UBE3B: variants seen among roughly 807,000 people sequenced by gnomAD.
The protein encoded by UBE3B is ubiquitin-protein ligase E3B.
Under a neutral mutation model 132.3 loss-of-function variants are expected in UBE3B, and 80 were observed. That is an observed-to-expected ratio of 0.60 (90% CI 0.50 to 0.73). The LOEUF is 0.73. UBE3B is among the 30% of genes least tolerant of loss of function. The pLI, the probability that UBE3B is intolerant of heterozygous loss-of-function variation, is 0.00. For missense variants in UBE3B, 1,196 were observed against 1,362.5 expected (o/e 0.88, Z 1.92); for synonymous variants, 487 against 520.4 (o/e 0.94, Z 0.87).
At position 109,483,593 on chromosome 12, in the gene UBE3B, T is replaced by C. The variant is rs1197069615; in HGVS notation, c.42T>C (p.Asp14=). The change falls in exon 3 of 28, where the codon GAT becomes GAC. Residue 14 remains aspartate (D), a synonymous_variant. Transcript: ENST00000342494. Reference sequence around the variant, plus strand: ...AGACCTCGAGAGCATGGTTCATCGATAGAGCCCGTCAGGCACGAGAAGAAA... The same window carrying C: ...AGACCTCGAGAGCATGGTTCATCGACAGAGCCCGTCAGGCACGAGAAGAAA... The part of the protein sequence containing the change: ...LSQTSRAWFI[D]RARQAREERL... 3.7e-6 allele frequency: 6 copies of C among 1,609,628 alleles called. No individual in the cohort carries two copies.
At chr12:109,523,896 T>C in intron 21 of UBE3B, 82 bp from the exon 22 acceptor site, 3 of 1,583,114 alleles carry the variant, frequency 1.9e-6, no homozygotes, top group East Asian at 2.2e-5. Context: ...CCCTGGGCCA[T>C]GTCTGCACCC....
intron 17 of UBE3B, among the ~76,000 whole-genome samples, chr12:109,510,756 G>T (rs1327432809): frequency 6.6e-6 from 1 of 152,226 alleles, no homozygotes; most frequent in Non-Finnish European, 1.5e-5. Context: ...GAGCAACAGA[G>T]CATGAGAGTT....
chr12:109,508,395 C>A (rs1055272209), intron 15 of UBE3B: 2 of 438,200 alleles, frequency 4.6e-6, no homozygotes, highest in Non-Finnish European at 3.0e-6. Context: ...GTGAAAAAAA[C>A]AGCGTCAAAT....
chr12:109,544,066 G>C, the UBE3B span, among the ~76,000 whole-genome samples: 1 of 152,148 alleles, frequency 6.6e-6, no homozygotes, highest in Non-Finnish European at 1.5e-5. Context: ...GGAAGCAGCT[G>C]CCCACAGCTC....
At position 109,499,636 on chromosome 12, in the gene UBE3B, A is replaced by G. The variant is rs778080265; in HGVS notation, c.944A>G (p.Asn315Ser). The G allele has an allele frequency of 1.2e-5, 19 of 1,591,732 alleles. No individual in the cohort carries two copies. The highest frequency in any genetic ancestry group is 1.6e-5 in the Non-Finnish European group (19 of 1,168,262). Residue 315 changes from asparagine (N) to serine (S), a missense_variant, in exon 12 of 28, where the codon AAC becomes AGC. By Grantham distance (46) the Asn-to-Ser change is conservative (BLOSUM62 1). Transcript: ENST00000342494. ...ACTCAGCCTTCTCTCTCTGTAGGCA[A>G]CCTCCTACACTTGGGCTCCCTCAGC... ...EGCHTLCLMG[N>S]LLHLGSLSPR...
intron 24 of UBE3B, 117 bp downstream of exon 24, chr12:109,526,533 C>A: frequency 9.0e-7 from 1 of 1,107,300 alleles, no homozygotes; most frequent in Non-Finnish European, 1.3e-6. Context: ...CCATAAATAT[C>A]ATAATGGAAT....
intron 15 of UBE3B, among the ~76,000 whole-genome samples, chr12:109,507,991 T>G (rs965408280): frequency 2.6e-5 from 4 of 152,030 alleles, no homozygotes; most frequent in Non-Finnish European, 5.9e-5. Flanking sequence ...TGGCTTGGGG[T>G]CTCCTGGAGA....
At chr12:109,492,758 A>C (rs2135859368) in intron 9 of UBE3B, 1 of 152,220 alleles carries the variant, frequency 6.6e-6, no homozygotes, top group East Asian at 1.9e-4. Context: ...AAAAAAGTCA[A>C]AATAAAAGGG....
At position 109,516,785 on chromosome 12, in the gene UBE3B, C is replaced by G; in HGVS notation, c.1977C>G (p.Thr659=). The change falls in exon 19 of 28, where the codon ACC becomes ACG. Residue 659 remains threonine (T), a synonymous_variant. Transcript: ENST00000342494. ...PHKNRVLLFR[T]MVTKEKEKLG... is the part of the protein sequence containing the mutation. ...TTTAGAGAGTTCTACTGTTTCGAACCATGGTTACCAAGGAGAAGGAGAAAC... is the reference window on the plus strand; with the variant it reads ...TTTAGAGAGTTCTACTGTTTCGAACGATGGTTACCAAGGAGAAGGAGAAAC... 6.2e-7 allele frequency: 1 copy of G among 1,614,006 alleles called. No homozygotes were observed.
intron 4 of UBE3B, among the ~76,000 whole-genome samples, chr12:109,485,707 A>C (rs1226190728): frequency 1.3e-5 from 2 of 152,202 alleles, no homozygotes; most frequent in Non-Finnish European, 2.9e-5. Context: ...CAGGAATCCA[A>C]ATCCAGTTTG....
At chr12:109,504,719 G>A (rs904209253) in intron 14 of UBE3B, among the ~76,000 whole-genome samples, 1 of 152,150 alleles carries the variant, frequency 6.6e-6, no homozygotes, top group Admixed American at 6.5e-5. Context: ...GAGAGAAGGG[G>A]CAAGACCATA....
chr12:109,501,493 A>T lies in UBE3B; in HGVS notation c.1241A>T (p.His414Leu), dbSNP rs766836888. Residue 414 changes from histidine (H) to leucine (L), a missense_variant, in exon 13 of 28, where the codon CAC (histidine) becomes CTC (leucine). Transcript: ENST00000342494. Reference sequence around the variant, plus strand: ...CTACTGGAGAGCCAGGAGCCAGCCCACGCACAGCCAGCATCCCCTCAGAAT... The same window carrying T: ...CTACTGGAGAGCCAGGAGCCAGCCCTCGCACAGCCAGCATCCCCTCAGAAT... ...KKLLESQEPA[H>L]AQPASPQNVL... is the part of the protein sequence containing the mutation. 5.0e-6 allele frequency: 8 copies of T among 1,614,096 alleles called. No homozygotes were observed. The highest frequency in any genetic ancestry group is 6.8e-6 in the Non-Finnish European group (8 of 1,180,042).
chr12:109,526,334 A>G (rs1285017991), intron 23 of UBE3B, 24 bp from the exon 24 acceptor site: 1 of 1,613,118 alleles, frequency 6.2e-7, no homozygotes, highest in South Asian at 1.1e-5. Context: ...CCTCCCTATT[A>G]ATTACTCCCA....
At chr12:109,543,125 A>G in the UBE3B span, among the ~76,000 whole-genome samples, 2 of 152,360 alleles carry the variant, frequency 1.3e-5, no homozygotes, top group South Asian at 4.1e-4. Context: ...AGATTTAAAA[A>G]TTGTTGGCAG....
At chr12:109,504,785 G>A (rs899741143) in intron 14 of UBE3B, among the ~76,000 whole-genome samples, 35 of 151,646 alleles carry the variant, frequency 2.3e-4, no homozygotes, top group Admixed American at 2.2e-3. Context: ...AGAGGAGTTT[G>A]GGGTTGTGGT....
chr12:109,483,273 A>G (rs980104548), intron 2 of UBE3B, among the ~76,000 whole-genome samples: 9 of 152,108 alleles, frequency 5.9e-5, no homozygotes, highest in Admixed American at 2.6e-4. Flanking sequence ...ATCCTATGCC[A>G]GGTGCTGTGC....
chr12:109,521,507 C>A lies in UBE3B; in HGVS notation c.2320C>A (p.Leu774Ile). ...TSYIHENYLQ[L>I]FEFVGKMLGK... is the part of the protein sequence containing the mutation. ...CTACATCCATGAGAATTACCTGCAG[C>A]TCTTCGAGTTTGTGGGGAAGATGCT... The change falls in exon 21 of 28, where the codon CTC (leucine) becomes ATC (isoleucine). Residue 774 changes from leucine to isoleucine, a missense_variant. Transcript: ENST00000342494. The surrounding 1 kb of genome is among the most constrained non-coding windows in gnomAD (Gnocchi z 4.2). 6.2e-7 allele frequency: 1 copy of A among 1,601,916 alleles called. No homozygotes were observed. The highest frequency in any genetic ancestry group is 8.5e-7 in the Non-Finnish European group (1 of 1,171,794).
rs901371626 is a variant in UBE3B, at chr12:109,477,634, G to A, written c.-603G>A. ...TGCTTCCTGGCGGGGTTCTGAAAGCGAACACCGCGGGGCAAGATGGCGGTA... is the reference window on the plus strand; with the variant it reads ...TGCTTCCTGGCGGGGTTCTGAAAGCAAACACCGCGGGGCAAGATGGCGGTA... On this transcript the variant is annotated 5_prime_UTR_variant, in exon 1 of 28. Coordinates refer to ENST00000342494, the MANE Select transcript of UBE3B (RefSeq NM_130466.4). 2.7e-5 allele frequency: 7 copies of A among 260,062 alleles called. No individual in the cohort carries two copies. Among genetic ancestry groups the A allele is most frequent in the Non-Finnish European group, 5.2e-5 (7 of 133,428 alleles). The allele number at this position is 260,062 out of a possible 1,614,324, so 16.1% of individuals were successfully genotyped here.
intron 15 of UBE3B, 80 bp from the exon 16 acceptor site, chr12:109,509,516 T>G (rs1566095892): frequency 6.3e-6 from 5 of 799,712 alleles, no homozygotes; most frequent in Non-Finnish European, 1.0e-5. Flanking sequence ...CCTCGTTTAT[T>G]GTCTAGTAAG....
Sources: allele counts gnomAD v4.1 joint callset (sites outside exome capture counted in the v4.1 genomes callset), GRCh38; gene constraint gnomAD v4.1.1; non-coding constraint Gnocchi (gnomAD v3.1); transcripts MANE v1.5; gene names NCBI Gene and HGNC (gene_info 2026-07-23, HGNC 2026-07-21).